The following EYA4 variants were observed in gnomAD, a reference collection of about 807,000 sequenced individuals.
EYA4 encodes protein phosphatase EYA4.
EYA4 carries 31 observed loss-of-function variants against 87.9 expected under a neutral mutation model. That is an observed-to-expected ratio of 0.35 (90% CI 0.27 to 0.48). The LOEUF (loss-of-function observed/expected upper bound fraction) is 0.48. Among genes scored for constraint, EYA4 ranks in the 20% least tolerant of loss-of-function variants. The pLI, the probability that EYA4 is intolerant of heterozygous loss-of-function variation, is 0.99. For missense variants in EYA4, 678 were observed against 761.4 expected (o/e 0.89, Z 1.29); for synonymous variants, 263 against 270.6 (o/e 0.97, Z 0.28).
At chr6:133,313,881 C>T (rs962889132) in intron 2 of EYA4, among the ~76,000 whole-genome samples, 2 of 139,920 alleles carry the variant, frequency 1.4e-5, no homozygotes, top group South Asian at 2.3e-4. Context: ...CCATGAGGAT[C>T]TTTCTGATGT....
chr6:133,324,747 A>G (rs1261894983), intron 2 of EYA4, among the ~76,000 whole-genome samples: 23 of 152,070 alleles, frequency 1.5e-4, no homozygotes, highest in Admixed American at 1.5e-3. Context: ...GGTTGCATGA[A>G]CTTCATCGAG....
intron 2 of EYA4, among the ~76,000 whole-genome samples, chr6:133,346,063 A>G (rs1259393711): frequency 6.6e-6 from 1 of 152,180 alleles, no homozygotes; most frequent in Non-Finnish European, 1.5e-5. Context: ...TGCCCTCCCT[A>G]TATGCCATCT....
intron 2 of EYA4, among the ~76,000 whole-genome samples, chr6:133,374,684 C>T (rs929543716): frequency 2.0e-5 from 3 of 151,758 alleles, no homozygotes; most frequent in Non-Finnish European, 2.9e-5. Flanking sequence ...TTTAGAAACA[C>T]GGTTTTGGTT....
intron 2 of EYA4, among the ~76,000 whole-genome samples, chr6:133,356,763 G>A (rs1197477080): frequency 7.0e-6 from 1 of 142,570 alleles, no homozygotes; most frequent in Non-Finnish European, 1.5e-5. Flanking sequence ...GTGTGTGTGT[G>A]TGTGTGTGTG....
chr6:133,292,526 A>T lies in EYA4; in HGVS notation c.33+17713A>T, dbSNP rs528131284. Among the ~76,000 whole-genome samples the T allele has an allele frequency of 4.5e-4, 68 of 152,286 alleles. 2 individuals are homozygous for T. The South Asian group carries it at 0.014, about 31-fold the overall frequency. ...TTACATGAACATGGATTGAATGTTG[A>T]TGTTGGGATTTTAAACGGGAAGTTG... On this transcript the variant is annotated intron_variant, in intron 2 of 19. Transcript: ENST00000355286.
At chr6:133,368,713 CAT>C (rs1418922313) in intron 2 of EYA4, among the ~76,000 whole-genome samples, 1 of 152,130 alleles carries the variant, frequency 6.6e-6, no homozygotes, top group Non-Finnish European at 1.5e-5. Context: ...AGCTCTCTGT[CAT>C]ATAAATATCA....
chr6:133,531,071 A>G lies in EYA4; in HGVS notation c.*2266A>G. Reference sequence around the variant, plus strand: ...CTAAATTTGTAAGTCTTTTCATATCAAACAAGCAAGGCTTTTTATGCTGCT... The same window carrying G: ...CTAAATTTGTAAGTCTTTTCATATCGAACAAGCAAGGCTTTTTATGCTGCT... On this transcript the variant is annotated 3_prime_UTR_variant, in exon 20 of 20. Transcript: ENST00000355286. 7.1e-7 allele frequency: 1 copy of G among 1,410,312 alleles called. No homozygotes were observed. The highest frequency in any genetic ancestry group is 9.2e-7 in the Non-Finnish European group (1 of 1,085,032). The allele number at this position is 1,410,312 out of a possible 1,614,324, so 87.4% of individuals were successfully genotyped here.
chr6:133,340,259 A>G (rs903888407), intron 2 of EYA4, among the ~76,000 whole-genome samples: 1 of 152,180 alleles, frequency 6.6e-6, no homozygotes, highest in Non-Finnish European at 1.5e-5. Flanking sequence ...TTTAAAAGTG[A>G]AGCAACGGAT....
At chr6:133,460,878 A>G (rs1336443147) in intron 6 of EYA4, among the ~76,000 whole-genome samples, 2 of 152,158 alleles carry the variant, frequency 1.3e-5, no homozygotes, top group African/African-American at 4.8e-5. Context: ...GATTTGAGAA[A>G]CTGGAAGAAT....
At chr6:133,433,957 T>A (rs71576311) in intron 3 of EYA4, among the ~76,000 whole-genome samples, 2,900 of 152,314 alleles carry the variant, frequency 0.019, 44 homozygotes, top group South Asian at 0.037. Context: ...GACTGCACAG[T>A]GTCTGAGGAC....
chr6:133,506,500 A>G (rs2128761881), intron 14 of EYA4, among the ~76,000 whole-genome samples: 1 of 152,302 alleles, frequency 6.6e-6, no homozygotes, highest in East Asian at 1.9e-4. Context: ...GCTCTTCCAG[A>G]TTATTAACCC....
intron 2 of EYA4, among the ~76,000 whole-genome samples, chr6:133,287,857 G>A (rs951736361): frequency 3.9e-5 from 6 of 152,124 alleles, no homozygotes; most frequent in African/African-American, 7.2e-5. Flanking sequence ...CCAAGTGGCC[G>A]GGCACGGTGG....
chr6:133,262,300 T>C (rs1178668303), intron 1 of EYA4, among the ~76,000 whole-genome samples: 1 of 152,266 alleles, frequency 6.6e-6, no homozygotes, highest in East Asian at 1.9e-4. Flanking sequence ...TATTCTCTTC[T>C]GACAGGCTAC....
At chr6:133,455,930 G>A (rs1044178280) in intron 5 of EYA4, among the ~76,000 whole-genome samples, 3 of 152,056 alleles carry the variant, frequency 2.0e-5, no homozygotes, top group African/African-American at 7.2e-5. Flanking sequence ...ATTAAAATGA[G>A]TTTTCAAAAG....
rs201042517 is a variant in EYA4 at position 133,489,055 on chromosome 6, AG to A, written c.1191+5941del. Among the ~76,000 whole-genome samples, 1,111 of 152,310 alleles carry A rather than the reference AG, an allele frequency of 7.3e-3. 17 individuals carry two copies. Among genetic ancestry groups the A allele is most frequent in the African/African-American group, 0.026 (1,062 of 41,568 alleles). ...GAATCCTATAAAATAAATTTAACAA[AG>A]ATATTGAAGTAAAAATCAAGCAGAA... On this transcript the variant is annotated intron_variant, in intron 13 of 19. Transcript: ENST00000355286.
At chr6:133,301,975 A>AC (rs1779446638) in intron 2 of EYA4, among the ~76,000 whole-genome samples, 1 of 152,150 alleles carries the variant, frequency 6.6e-6, no homozygotes, top group East Asian at 1.9e-4. Flanking sequence ...TATCAGGTTG[A>AC]CTTCTTGGAG....
chr6:133,446,063 C>T (rs1364898182), intron 3 of EYA4, among the ~76,000 whole-genome samples: 1 of 152,138 alleles, frequency 6.6e-6, no homozygotes, highest in African/African-American at 2.4e-5. Context: ...TCAACAAGGT[C>T]AGCTGGAAGC....
intron 1 of EYA4, among the ~76,000 whole-genome samples, chr6:133,259,324 A>T (rs1239696250): frequency 1.3e-5 from 2 of 152,254 alleles, no homozygotes; most frequent in Non-Finnish European, 2.9e-5. Flanking sequence ...ATGTGAAAGC[A>T]GGACACATAG....
intron 2 of EYA4, among the ~76,000 whole-genome samples, chr6:133,334,881 A>G (rs1782246300): frequency 6.6e-6 from 1 of 152,208 alleles, no homozygotes; most frequent in Non-Finnish European, 1.5e-5. Context: ...TTTACTGCTG[A>G]AATTTAAAAA....
Sources: allele counts gnomAD v4.1 joint callset (sites outside exome capture counted in the v4.1 genomes callset), GRCh38; gene constraint gnomAD v4.1.1; transcripts MANE v1.5; gene names NCBI Gene and HGNC (gene_info 2026-07-23, HGNC 2026-07-21).